The following FAM171B variants were observed in gnomAD, a reference collection of about 807,000 sequenced individuals.
The protein encoded by FAM171B is family with sequence similarity 171 member B.
FAM171B carries 19 observed loss-of-function variants against 75.6 expected under a neutral mutation model. The ratio of observed to expected loss-of-function variants is 0.25; its 90% CI spans 0.18 to 0.37. The LOEUF is 0.37. Among genes scored for constraint, FAM171B ranks in the 10% least tolerant of loss-of-function variants. FAM171B has a pLI of 1.00. For synonymous variants in FAM171B, 367 were observed against 361.7 expected (o/e 1.01, Z -0.17); for missense variants, 848 against 982.4 (o/e 0.86, Z 1.83).
intron 1 of FAM171B, among the ~76,000 whole-genome samples, chr2:186,717,063 C>G (rs934272747): frequency 6.6e-6 from 1 of 151,976 alleles, no homozygotes; most frequent in Non-Finnish European, 1.5e-5. Flanking sequence ...GAAATGGAGC[C>G]GGGATTAGAA....
In FAM171B at chr2:186,762,782, T is replaced by G; in HGVS notation, c.2440T>G (p.Trp814Gly). 1 of 1,613,008 alleles carries G rather than the reference T, an allele frequency of 6.2e-7. No homozygotes were observed. Among genetic ancestry groups the G allele is most frequent in the Non-Finnish European group, 8.5e-7 (1 of 1,179,422 alleles). ...CAAAAGAGATAGCAAGACTAACATC[T>G]GGAAGAAGCGAGAGGAACGCCCACT... ...LAKRDSKTNI[W>G]KKREERPLIP... Residue 814 changes from tryptophan (W) to glycine (G), a missense_variant, in exon 8 of 8, where the codon TGG (tryptophan) becomes GGG (glycine). Coordinates refer to ENST00000304698, the MANE Select transcript of FAM171B (RefSeq NM_177454.4). The surrounding 1 kb of genome is among the most constrained non-coding windows in gnomAD (Gnocchi z 4.0).
intron 6 of FAM171B, 145 bp downstream of exon 6, chr2:186,754,194 T>C (rs1339046927): frequency 3.6e-5 from 21 of 584,596 alleles, no homozygotes; most frequent in Non-Finnish European, 5.9e-5. Flanking sequence ...AGCTTATTTT[T>C]TTTTCATGTG....
At chr2:186,730,841 T>G (rs1690104396) in intron 1 of FAM171B, among the ~76,000 whole-genome samples, 1 of 152,210 alleles carries the variant, frequency 6.6e-6, no homozygotes, top group Non-Finnish European at 1.5e-5. Context: ...TGCAGTTTTT[T>G]TTTTCTTTTG....
intron 1 of FAM171B, among the ~76,000 whole-genome samples, chr2:186,731,035 G>T (rs1371695504): frequency 6.6e-6 from 1 of 152,178 alleles, no homozygotes; most frequent in Non-Finnish European, 1.5e-5. Flanking sequence ...TTGGAATAGA[G>T]ATCCTAATTC....
chr2:186,709,624 A>G (rs1689782930), intron 1 of FAM171B, among the ~76,000 whole-genome samples: 1 of 152,178 alleles, frequency 6.6e-6, no homozygotes, highest in Non-Finnish European at 1.5e-5. Context: ...TGAACATGTC[A>G]ATCCTCCACA....
Position 186,762,144 on chromosome 2 carries a change from G to A in FAM171B, c.1802G>A (p.Arg601Lys), listed in dbSNP as rs912769030. 4.3e-6 allele frequency: 7 copies of A among 1,613,562 alleles called. No homozygotes were observed. The highest frequency in any genetic ancestry group is 1.7e-5 in the Admixed American group (1 of 59,896). The change falls in exon 8 of 8, where the codon AGG becomes AAG. Residue 601 changes from arginine (R) to lysine (K), a missense_variant. Arg to Lys is a conservative substitution (Grantham distance 26). Around this residue, in one of 3 missense-constraint regions of FAM171B, gnomAD observed 665 missense variants for 729.0 expected, o/e 0.91. Coordinates refer to ENST00000304698, the MANE Select transcript of FAM171B (RefSeq NM_177454.4). This position sits in a 1 kb window ranked among gnomAD's most constrained non-coding sequence, Gnocchi z 4.0. ...IHSHAQPPDAREEDIILEGQQ... is the reference protein window; with the variant it reads ...IHSHAQPPDAKEEDIILEGQQ... ...TCTCATGCACAGCCCCCAGATGCCA[G>A]GGAAGAGGATATCATACTTGAAGGT...
At chr2:186,746,604 A>T (rs185620349) in intron 3 of FAM171B, among the ~76,000 whole-genome samples, 1 of 152,330 alleles carries the variant, frequency 6.6e-6, no homozygotes, top group East Asian at 1.9e-4. Context: ...TGATTGCAAG[A>T]TGGCTGTTAC....
intron 1 of FAM171B, among the ~76,000 whole-genome samples, chr2:186,704,166 G>A (rs375679605): frequency 3.3e-5 from 5 of 151,968 alleles, no homozygotes; most frequent in African/African-American, 9.7e-5. Context: ...TGATTCTGGA[G>A]GTTTAGCAGA....
At chr2:186,694,486 C>G (rs1689550465) in intron 1 of FAM171B, 75 bp downstream of exon 1, 2 of 1,502,614 alleles carry the variant, frequency 1.3e-6, no homozygotes, top group Admixed American at 4.1e-5. Context: ...CTTCCTCGCC[C>G]CTTCCCTATC....
Position 186,762,248 on chromosome 2 carries a change from A to G in FAM171B, c.1906A>G (p.Thr636Ala). The change falls in exon 8 of 8, where the codon ACA (threonine) becomes GCA (alanine). Residue 636 changes from threonine to alanine, a missense_variant. Physicochemically the swap from Thr to Ala is moderately conservative, Grantham distance 58. This residue lies in a region of FAM171B where 47 missense variants were observed against 94.0 expected (regional missense o/e 0.50). Transcript: ENST00000304698. The surrounding 1 kb of genome is among the most constrained non-coding windows in gnomAD (Gnocchi z 4.0). ...ACTGGAATCCGTCTCTGTTCCTGGA[A>G]CACTAAATGAGGCTGTTGTAATGAC... Reference protein sequence around the residue: ...SLLESVSVPGTLNEAVVMTPF... With the variant: ...SLLESVSVPGALNEAVVMTPF... The G allele has an allele frequency of 6.2e-7, 1 of 1,613,686 alleles. No individual in the cohort carries two copies. Among genetic ancestry groups the G allele is most frequent in the Non-Finnish European group, 8.5e-7 (1 of 1,179,770 alleles).
chr2:186,746,943 A>T, intron 3 of FAM171B, 149 bp from the exon 4 acceptor site: 1 of 576,820 alleles, frequency 1.7e-6, no homozygotes, highest in Non-Finnish European at 2.9e-6. Flanking sequence ...AAAATTTCTT[A>T]GTTCTGCATT....
At chr2:186,742,793 C>T (rs541248552) in intron 2 of FAM171B, among the ~76,000 whole-genome samples, 1 of 152,254 alleles carries the variant, frequency 6.6e-6, no homozygotes, top group Admixed American at 6.5e-5. Context: ...TTTGATCTTG[C>T]TTATAAAATG....
intron 2 of FAM171B, among the ~76,000 whole-genome samples, 197 bp downstream of exon 2, chr2:186,740,658 C>G (rs191606940): frequency 2.0e-4 from 31 of 152,226 alleles, no homozygotes; most frequent in Non-Finnish European, 8.8e-5. Flanking sequence ...ATACCCTGAG[C>G]CGGGTAGCTT....
At chr2:186,707,340 T>C (rs143212554) in intron 1 of FAM171B, among the ~76,000 whole-genome samples, 253 of 152,264 alleles carry the variant, frequency 1.7e-3, no homozygotes, top group South Asian at 0.015. Flanking sequence ...GGAGTCTACT[T>C]TCTAAATATA....
chr2:186,697,039 G>GATGA (rs1188971478), intron 1 of FAM171B, among the ~76,000 whole-genome samples: 28 of 151,698 alleles, frequency 1.8e-4, no homozygotes, highest in East Asian at 3.9e-4. Flanking sequence ...TGGATGGATG[G>GATGA]ATGAATGAAT....
At chr2:186,719,589 TAA>T (rs1689923435) in intron 1 of FAM171B, among the ~76,000 whole-genome samples, 7 of 152,248 alleles carry the variant, frequency 4.6e-5, no homozygotes, top group Non-Finnish European at 8.8e-5. Flanking sequence ...GAATGAAAGC[TAA>T]GTTAACGGAA....
intron 1 of FAM171B, among the ~76,000 whole-genome samples, chr2:186,738,700 G>A (rs1159959895): frequency 3.3e-5 from 5 of 152,112 alleles, no homozygotes; most frequent in Non-Finnish European, 5.9e-5. Flanking sequence ...TCTGTCTCCT[G>A]TTGCTATTGA....
intron 1 of FAM171B, among the ~76,000 whole-genome samples, chr2:186,735,692 T>G (rs1181114438): frequency 6.6e-6 from 1 of 152,214 alleles, no homozygotes; most frequent in East Asian, 1.9e-4. Context: ...AGATCAGATC[T>G]CACTAACTGT....
At chr2:186,700,727 A>G (rs1441406376) in intron 1 of FAM171B, among the ~76,000 whole-genome samples, 1 of 152,154 alleles carries the variant, frequency 6.6e-6, no homozygotes, top group Admixed American at 6.5e-5. Flanking sequence ...ATATGTTTTC[A>G]TATCTGTTGG....
Sources: gnomAD v4.1 joint callset for allele counts (sites outside exome capture counted in the v4.1 genomes callset) on GRCh38, gnomAD v4.1.1 for gene constraint, gnomAD v4.1.1 regional missense constraint, Gnocchi (gnomAD v3.1) non-coding constraint, MANE v1.5 for transcripts, NCBI Gene and HGNC (gene_info 2026-07-23, HGNC 2026-07-21) for gene names.